Variants in ANK2 observed in about 807,000 individuals in gnomAD.
ANK2 encodes the protein ankyrin 2.
Under a neutral mutation model 360.5 loss-of-function variants are expected in ANK2, and 83 were observed. That is an observed-to-expected ratio of 0.23 (90% CI 0.19 to 0.28). ANK2 has a LOEUF of 0.28. Among genes scored for constraint, ANK2 ranks in the 10% least tolerant of loss-of-function variants. The pLI is 1.00. For missense variants in ANK2, 4,201 were observed against 4,795.7 expected, an observed-to-expected ratio of 0.88 and a Z score of 3.66; for synonymous variants, 1,740 against 1,759.5, an observed-to-expected ratio of 0.99 and a Z score of 0.28.
At chr4:113,021,541 C>CACACAT (rs1489947974) in intron 2 of ANK2, among the ~76,000 whole-genome samples, 41 of 95,638 alleles carry the variant, frequency 4.3e-4, no homozygotes, top group African/African-American at 1.5e-3. Context: ...CACACACAAA[C>CACACAT]ATATATATAT....
At chr4:113,242,743 G>A (rs1447761676) in intron 9 of ANK2, among the ~76,000 whole-genome samples, 1 of 152,136 alleles carries the variant, frequency 6.6e-6, no homozygotes, top group Non-Finnish European at 1.5e-5. Flanking sequence ...TGGTAGAAGT[G>A]ATAGCTTTCA....
At chr4:112,945,884 A>G (rs940059709) in intron 2 of ANK2, among the ~76,000 whole-genome samples, 3 of 152,180 alleles carry the variant, frequency 2.0e-5, no homozygotes, top group South Asian at 2.1e-4. Flanking sequence ...ATCAAAGTGC[A>G]TGCTCTCATC....
upstream of ANK2, among the ~76,000 whole-genome samples, chr4:113,045,058 C>A (rs904392080): frequency 5.3e-5 from 8 of 152,154 alleles, no homozygotes; most frequent in African/African-American, 1.9e-4. Context: ...TAACAACAGA[C>A]AACTCTTGAC....
chr4:113,042,689 T>G (rs1404231433), intron 2 of ANK2, among the ~76,000 whole-genome samples: 4 of 152,158 alleles, frequency 2.6e-5, no homozygotes, highest in Non-Finnish European at 5.9e-5. Flanking sequence ...CATTCAACTA[T>G]GTGGGCCTCA....
intron 2 of ANK2, among the ~76,000 whole-genome samples, chr4:112,936,706 T>G (rs542067772): frequency 3.9e-5 from 6 of 152,300 alleles, no homozygotes; most frequent in Admixed American, 6.5e-5. Context: ...TTACTATTCC[T>G]ATTTCACCAA....
chr4:113,004,553 C>T (rs1272093079), intron 2 of ANK2, among the ~76,000 whole-genome samples: 3 of 152,230 alleles, frequency 2.0e-5, no homozygotes, highest in South Asian at 2.1e-4. Context: ...ATGACAACAA[C>T]GCCTTCTTCT....
intron 4 of ANK2, among the ~76,000 whole-genome samples, chr4:113,224,705 A>G (rs556917689): frequency 1.3e-5 from 2 of 152,316 alleles, no homozygotes; most frequent in Admixed American, 6.5e-5. Flanking sequence ...TGAAATTTCC[A>G]TAATCATTTT....
intron 1 of ANK2, among the ~76,000 whole-genome samples, chr4:113,154,903 A>G (rs914264075): frequency 6.6e-6 from 1 of 152,142 alleles, no homozygotes; most frequent in African/African-American, 2.4e-5. Context: ...ACTGTCAACT[A>G]ATGGACTGGG....
At chr4:112,769,054 C>T in the ANK2 span, among the ~76,000 whole-genome samples, 22 of 152,162 alleles carry the variant, frequency 1.4e-4, no homozygotes, top group African/African-American at 4.8e-4. Flanking sequence ...TACATGGCTC[C>T]GCTGAACGTG....
rs370715876 is a variant in ANK2 at position 113,282,803 on chromosome 4, G to T, written c.2010G>T (p.Ser670=). The T allele has an allele frequency of 1.2e-6, 2 of 1,613,978 alleles. No homozygotes were observed. The highest frequency in any genetic ancestry group is 1.1e-5 in the South Asian group (1 of 91,066). The stretch of plus-strand genomic sequence containing the variant: ...GAGTAACTCCACTCCATCTGGCCTC[G>T]CAGGAGGGGCACACAGATATGGTTA... ...KQGVTPLHLA[S]QEGHTDMVTL... The change falls in exon 18 of 46, where the codon TCG becomes TCT. Residue 670 remains serine (S), a synonymous_variant. Coordinates refer to ENST00000357077, the MANE Select transcript of ANK2 (RefSeq NM_001148.6).
chr4:112,928,817 T>C (rs1376294615), intron 2 of ANK2, among the ~76,000 whole-genome samples: 1 of 151,952 alleles, frequency 6.6e-6, no homozygotes, highest in East Asian at 1.9e-4. Flanking sequence ...TTGTAGAAAA[T>C]ACATTTCTTT....
At chr4:112,854,088 T>C (rs566099513) in intron 1 of ANK2, among the ~76,000 whole-genome samples, 2 of 152,070 alleles carry the variant, frequency 1.3e-5, no homozygotes, top group African/African-American at 2.4e-5. Context: ...AATAGAACTA[T>C]AGATGAGGAG....
At chr4:112,793,948 C>T in the ANK2 span, among the ~76,000 whole-genome samples, 3 of 152,100 alleles carry the variant, frequency 2.0e-5, no homozygotes, top group East Asian at 1.9e-4. Context: ...CTGCCTGCCT[C>T]GGCCTCCCAA....
chr4:113,341,758 A>T lies in ANK2; in HGVS notation c.3964A>T (p.Ile1322Phe). ...TFASQVYREI[I>F]CVPYMAKFVV... ...TGCATCACAAGTATACAGAGAAATT[A>T]TCTGCGTACCTTATATGGCCAAATT... The change falls in exon 33 of 46, where the codon ATC becomes TTC. Residue 1322 changes from isoleucine to phenylalanine, a missense_variant. Ile to Phe is a conservative substitution (Grantham distance 21). Coordinates refer to ENST00000357077, the MANE Select transcript of ANK2 (RefSeq NM_001148.6). 1 of 1,614,156 alleles carries T rather than the reference A, an allele frequency of 6.2e-7. No individual in the cohort carries two copies.
intron 2 of ANK2, among the ~76,000 whole-genome samples, chr4:113,014,985 A>C (rs2056133263): frequency 6.7e-6 from 1 of 150,130 alleles, no homozygotes; most frequent in African/African-American, 2.5e-5. Context: ...CAGCCTCCCG[A>C]GTAGCTGGGA....
the ANK2 span, among the ~76,000 whole-genome samples, chr4:112,748,641 TC>T: frequency 6.6e-6 from 1 of 152,194 alleles, no homozygotes; most frequent in East Asian, 1.9e-4. Context: ...GGCCTAAAGT[TC>T]CTCACAGTGT....
At chr4:113,334,744 A>C (rs2093235821) in intron 29 of ANK2, among the ~76,000 whole-genome samples, 1 of 69,978 alleles carries the variant, frequency 1.4e-5, no homozygotes, top group Non-Finnish European at 2.4e-5. Context: ...TAGAAAGTTA[A>C]TAGATTAATT....
intron 4 of ANK2, among the ~76,000 whole-genome samples, chr4:113,199,477 A>G (rs1377606716): frequency 2.6e-5 from 4 of 152,160 alleles, no homozygotes; most frequent in African/African-American, 9.7e-5. Context: ...TATACTTGAA[A>G]GATTTACATT....
At position 113,258,408 on chromosome 4, in the gene ANK2, C is replaced by T. The variant is rs1195153984; in HGVS notation, c.1383C>T (p.Asn461=). ...LQNGASPDVT[N]IRGETALHMA... is the part of the protein sequence containing the mutation. ...ACGGAGCCTCTCCAGATGTCACTAA[C>T]ATTGTGAGTATGGCTTGGGTCAGAA... Residue 461 remains asparagine (N), a synonymous_variant, in exon 13 of 46, where the codon AAC becomes AAT. Transcript: ENST00000357077. The T allele has an allele frequency of 6.2e-7, 1 of 1,612,954 alleles. No individual in the cohort carries two copies.
Sources: gnomAD v4.1 joint callset for allele counts (sites outside exome capture counted in the v4.1 genomes callset) on GRCh38, gnomAD v4.1.1 for gene constraint, MANE v1.5 for transcripts, NCBI Gene and HGNC (gene_info 2026-07-23, HGNC 2026-07-21) for gene names.